The following USP7 variants were observed in gnomAD, a reference collection of about 807,000 sequenced individuals.
USP7 encodes ubiquitin C-terminal hydrolase 7.
USP7 carries 9 observed loss-of-function variants against 162.9 expected under a neutral mutation model. That is an observed-to-expected ratio of 0.06 (90% CI 0.03 to 0.10). The LOEUF (loss-of-function observed/expected upper bound fraction) is 0.10, where lower values mean the gene tolerates loss of function less well. USP7 is among the 10% of genes least tolerant of loss of function. USP7 has a pLI of 1.00. For synonymous variants in USP7, 562 were observed against 475.9 expected (o/e 1.18, Z -2.35); for missense variants, 715 against 1,373.7 (o/e 0.52, Z 7.58).
At chr16:8,917,664 C>G (rs926845740) in intron 6 of USP7, among the ~76,000 whole-genome samples, 2 of 152,172 alleles carry the variant, frequency 1.3e-5, no homozygotes, top group Admixed American at 1.3e-4. Context: ...TAGGCGAGAG[C>G]TACCGCACCC....
intron 26 of USP7, 104 bp from the exon 27 acceptor site, chr16:8,895,845 T>C (rs2061673336): frequency 4.9e-6 from 4 of 816,458 alleles, no homozygotes; most frequent in Admixed American, 6.3e-5. Flanking sequence ...ATATGTTTTT[T>C]TTTTTTTTTT....
rs369579319 is a variant in USP7, at chr16:8,902,064, C to T, written c.2047+18G>A. Reference sequence around the variant, plus strand: ...CGCTACTGCTCTAAGTGCAGGCAGGCGTCTCGTGGGCACTTACGATCTTTA... The same window carrying T: ...CGCTACTGCTCTAAGTGCAGGCAGGTGTCTCGTGGGCACTTACGATCTTTA... On this transcript the variant is annotated intron_variant, in intron 18 of 30. Coordinates refer to ENST00000344836, the MANE Select transcript of USP7 (RefSeq NM_003470.3). 98 of 1,600,846 alleles carry T rather than the reference C, an allele frequency of 6.1e-5. No homozygotes were observed. Among genetic ancestry groups the T allele is most frequent in the Non-Finnish European group, 6.8e-5 (80 of 1,168,246 alleles).
intron 26 of USP7, among the ~76,000 whole-genome samples, chr16:8,896,301 C>T (rs1026735697): frequency 4.6e-5 from 7 of 152,198 alleles, no homozygotes; most frequent in Middle Eastern, 3.4e-3. Flanking sequence ...ACTGGGCCTC[C>T]GAAAGTTGCA....
intron 1 of USP7, among the ~76,000 whole-genome samples, chr16:8,940,502 T>C (rs1386651302): frequency 1.3e-5 from 2 of 152,150 alleles, no homozygotes; most frequent in African/African-American, 4.8e-5. Flanking sequence ...GGGCAGGGGT[T>C]ACCTTGGGAC....
chr16:8,919,219 A>AG, intron 5 of USP7, 80 bp from the exon 6 acceptor site: 1 of 1,445,940 alleles, frequency 6.9e-7, no homozygotes, highest in Non-Finnish European at 9.7e-7. Flanking sequence ...ATCTGACTCA[A>AG]GGTCAGCCTT....
chr16:8,961,931 T>C (rs887253115), intron 1 of USP7, among the ~76,000 whole-genome samples: 2 of 152,236 alleles, frequency 1.3e-5, no homozygotes, highest in African/African-American at 2.4e-5. Context: ...CTGCCATTGA[T>C]AAATACCACT....
At chr16:8,914,783 G>A (rs1371291886) in intron 10 of USP7, among the ~76,000 whole-genome samples, 2 of 152,126 alleles carry the variant, frequency 1.3e-5, no homozygotes, top group Non-Finnish European at 2.9e-5. Flanking sequence ...GCTGGGTGTG[G>A]TGGCACACGC....
intron 10 of USP7, among the ~76,000 whole-genome samples, chr16:8,914,494 A>G (rs1025461495): frequency 6.6e-6 from 1 of 152,208 alleles, no homozygotes; most frequent in African/African-American, 2.4e-5. Context: ...CAACCCAAAT[A>G]TCAAGCAAAA....
chr16:8,913,582 TGCAGATGAAATAAAATCTTTCTAG>T (rs1434047824), intron 10 of USP7, among the ~76,000 whole-genome samples: 2 of 151,976 alleles, frequency 1.3e-5, no homozygotes, highest in African/African-American at 4.8e-5. Context: ...CTTTCACAAC[TGCAGATGAAATAAAATCTTTCTAG>T]GCATGCAAGG....
At chr16:8,923,161 A>G in intron 3 of USP7, 54 bp downstream of exon 3, 1 of 37,682 alleles carries the variant, frequency 2.7e-5, no homozygotes, top group Non-Finnish European at 5.0e-5. Flanking sequence ...AACTTAAGAT[A>G]AAATTGCACT....
At chr16:8,946,463 G>A (rs915999956) in intron 1 of USP7, among the ~76,000 whole-genome samples, 4 of 152,212 alleles carry the variant, frequency 2.6e-5, no homozygotes, top group Non-Finnish European at 2.9e-5. Flanking sequence ...AAAGACTTAT[G>A]CTCCAGAAAG....
At chr16:8,941,512 G>A (rs937991452) in intron 1 of USP7, among the ~76,000 whole-genome samples, 2 of 152,218 alleles carry the variant, frequency 1.3e-5, no homozygotes, top group African/African-American at 4.8e-5. Context: ...CAGGTCAACC[G>A]ACATGTCCAG....
intron 25 of USP7, among the ~76,000 whole-genome samples, 164 bp downstream of exon 25, chr16:8,898,196 G>A (rs1378890152): frequency 6.6e-6 from 1 of 152,174 alleles, no homozygotes; most frequent in Non-Finnish European, 1.5e-5. Flanking sequence ...AGGAGGTCCT[G>A]CCAGGAGGCA....
intron 11 of USP7, among the ~76,000 whole-genome samples, chr16:8,910,298 G>A (rs1002412844): frequency 1.8e-4 from 28 of 151,932 alleles, no homozygotes; most frequent in Non-Finnish European, 4.0e-4. Context: ...GAAACCTGGG[G>A]GACACAACCC....
intron 1 of USP7, among the ~76,000 whole-genome samples, chr16:8,961,290 C>G (rs1023826234): frequency 2.3e-4 from 35 of 151,962 alleles, no homozygotes; most frequent in African/African-American, 8.0e-4. Context: ...GTCGGGAGTT[C>G]GAGACCAGCC....
At chr16:8,952,666 C>T (rs1241486304) in intron 1 of USP7, among the ~76,000 whole-genome samples, 2 of 152,258 alleles carry the variant, frequency 1.3e-5, no homozygotes, top group Admixed American at 1.3e-4. Context: ...TCTGCAAAAT[C>T]CCTTTGCCAT....
Position 8,922,511 on chromosome 16 carries a change from G to C in USP7, c.383+704C>G, listed in dbSNP as rs112232576. On this transcript the variant is annotated intron_variant, in intron 3 of 30. Coordinates refer to ENST00000344836, the MANE Select transcript of USP7 (RefSeq NM_003470.3). Reference sequence around the variant, plus strand: ...ATTTTATTCCCTGGGGGATCTGACAGAACAGCCAGAGTCAGTTCACTCTGG... The same window carrying C: ...ATTTTATTCCCTGGGGGATCTGACACAACAGCCAGAGTCAGTTCACTCTGG... Among the ~76,000 whole-genome samples, 373 of 152,288 alleles carry C rather than the reference G, an allele frequency of 2.4e-3. 2 individuals carry two copies. The highest frequency in any genetic ancestry group is 7.6e-3 in the African/African-American group (315 of 41,568).
intron 11 of USP7, among the ~76,000 whole-genome samples, chr16:8,909,617 C>T (rs1285385147): frequency 6.6e-6 from 1 of 152,220 alleles, no homozygotes; most frequent in Non-Finnish European, 1.5e-5. Context: ...TTCTTCATCA[C>T]ACCAAGTTCT....
intron 25 of USP7, 61 bp from the exon 26 acceptor site, chr16:8,897,160 A>G (rs2061694513): frequency 1.5e-6 from 2 of 1,302,636 alleles, no homozygotes. Flanking sequence ...TGCTACCACA[A>G]AGGAAGAGAG....
Sources: allele counts gnomAD v4.1 joint callset (sites outside exome capture counted in the v4.1 genomes callset), GRCh38; gene constraint gnomAD v4.1.1; transcripts MANE v1.5; gene names NCBI Gene and HGNC (gene_info 2026-07-23, HGNC 2026-07-21).